The following TANK variants were observed in gnomAD, a reference collection of about 807,000 sequenced individuals.
TANK encodes TRAF family member-associated NF-kappa-B activator.
Under a neutral mutation model 43.6 loss-of-function variants are expected in TANK, and 15 were observed. The observed-to-expected ratio is 0.34, with a 90% CI of 0.23 to 0.53. The LOEUF (loss-of-function observed/expected upper bound fraction) is 0.53, where lower values mean the gene tolerates loss of function less well. TANK is among the 20% of genes least tolerant of loss of function. The pLI is 0.94. For missense variants in TANK, 417 were observed against 498.6 expected, an observed-to-expected ratio of 0.84 and a Z score of 1.56; for synonymous variants, 162 against 178.2, an observed-to-expected ratio of 0.91 and a Z score of 0.73.
At chr2:161,148,144 C>T (rs1404291653) in intron 1 of TANK, among the ~76,000 whole-genome samples, 1 of 152,154 alleles carries the variant, frequency 6.6e-6, no homozygotes, top group Non-Finnish European at 1.5e-5. Flanking sequence ...CCAACCAGCA[C>T]TATATAAGGC....
chr2:161,163,327 A>G (rs1200539639), intron 1 of TANK: 1 of 152,210 alleles, frequency 6.6e-6, no homozygotes, highest in Non-Finnish European at 1.5e-5. Context: ...TCCTTGGAGT[A>G]AATACAATTG....
At chr2:161,221,759 C>G (rs1687356323) in intron 4 of TANK, among the ~76,000 whole-genome samples, 2 of 151,124 alleles carry the variant, frequency 1.3e-5, no homozygotes, top group East Asian at 3.9e-4. Context: ...TTGAAATATA[C>G]TAACAGCTTT....
chr2:161,209,374 C>T (rs1297270741), intron 4 of TANK, among the ~76,000 whole-genome samples: 3 of 152,080 alleles, frequency 2.0e-5, no homozygotes, highest in Non-Finnish European at 2.9e-5. Flanking sequence ...TAACTTATGT[C>T]CATGTTAGCA....
At chr2:161,164,198 CTGT>C (rs1684569758) in intron 1 of TANK, among the ~76,000 whole-genome samples, 1 of 152,166 alleles carries the variant, frequency 6.6e-6, no homozygotes, top group Non-Finnish European at 1.5e-5. Context: ...TAAAAATAGA[CTGT>C]TGACATAAAG....
chr2:161,162,735 T>A (rs888021086), intron 1 of TANK: 1 of 152,184 alleles, frequency 6.6e-6, no homozygotes, highest in African/African-American at 2.4e-5. Context: ...CTGTTTGGAT[T>A]GCATCCAAAG....
chr2:161,235,283 A>G, intron 7 of TANK, 59 bp from the exon 8 acceptor site: 4 of 1,404,782 alleles, frequency 2.8e-6, no homozygotes, highest in Non-Finnish European at 3.8e-6. Flanking sequence ...TCAAATTTGA[A>G]GTCCAGTGCT....
chr2:161,151,584 C>T (rs796318025), intron 1 of TANK, among the ~76,000 whole-genome samples: 29 of 152,234 alleles, frequency 1.9e-4, no homozygotes, highest in East Asian at 9.6e-4. Context: ...AGTTTAGCCA[C>T]GCCATCTCTC....
chr2:161,146,098 T>A (rs1683902420), intron 1 of TANK, among the ~76,000 whole-genome samples: 1 of 152,192 alleles, frequency 6.6e-6, no homozygotes, highest in Non-Finnish European at 1.5e-5. Flanking sequence ...ATATACTTTA[T>A]TCTGCTTGGT....
chr2:161,221,821 T>G (rs1687359323), intron 4 of TANK, among the ~76,000 whole-genome samples: 1 of 152,094 alleles, frequency 6.6e-6, no homozygotes, highest in Admixed American at 6.6e-5. Context: ...CAACCAGTAA[T>G]ACTTTTTTCA....
intron 1 of TANK, among the ~76,000 whole-genome samples, chr2:161,165,960 T>C (rs912964053): frequency 1.8e-4 from 28 of 152,196 alleles, no homozygotes; most frequent in African/African-American, 6.5e-4. Context: ...ATTTGATAAA[T>C]AGTCTCAGAG....
At chr2:161,232,791 A>G in intron 7 of TANK, 3 of 1,550,614 alleles carry the variant, frequency 1.9e-6, no homozygotes, top group Non-Finnish European at 2.6e-6. Flanking sequence ...TTTCTATACT[A>G]CAGCAAGGGA....
intron 2 of TANK, among the ~76,000 whole-genome samples, chr2:161,188,931 T>C (rs1354683311): frequency 6.6e-6 from 1 of 152,202 alleles, no homozygotes; most frequent in Non-Finnish European, 1.5e-5. Flanking sequence ...CTCTTTGCTC[T>C]TCAGTCACAT....
chr2:161,182,338 C>T (rs1344515610), intron 2 of TANK, among the ~76,000 whole-genome samples: 1 of 152,080 alleles, frequency 6.6e-6, no homozygotes, highest in East Asian at 1.9e-4. Context: ...CACCCTCTCC[C>T]CTCCCCAAGT....
chr2:161,170,740 G>A (rs1280886656), intron 1 of TANK, among the ~76,000 whole-genome samples: 1 of 152,104 alleles, frequency 6.6e-6, no homozygotes, highest in Non-Finnish European at 1.5e-5. Context: ...CTGACTCTAC[G>A]CCAAGATTCT....
Position 161,204,772 on chromosome 2 carries a change from A to G in TANK, c.306A>G (p.Ile102Met). 1 of 1,606,412 alleles carries G rather than the reference A, an allele frequency of 6.2e-7. No individual in the cohort carries two copies. Reference sequence around the variant, plus strand: ...CACAAGATAAAGTGATTTCAGGAATAGCAAGAGAAAAACTACCAAAGGTAG... The same window carrying G: ...CACAAGATAAAGTGATTTCAGGAATGGCAAGAGAAAAACTACCAAAGGTAG... ...DQPQDKVISG[I>M]AREKLPKVRR... is the part of the protein sequence containing the mutation. The change falls in exon 4 of 8, where the codon ATA becomes ATG. Residue 102 changes from isoleucine (I) to methionine (M), a missense_variant. By Grantham distance (10) the Ile-to-Met change is conservative. Transcript: ENST00000392749.
In TANK at chr2:161,204,292, G is replaced by A. The variant is rs567842860; in HGVS notation, c.209-383G>A. Among the ~76,000 whole-genome samples the A allele has an allele frequency of 1.1e-4, 16 of 152,152 alleles. No homozygotes were observed. In the South Asian group the frequency reaches 3.3e-3, roughly 32 times the overall value. On this transcript the variant is annotated intron_variant, in intron 3 of 7. Transcript: ENST00000392749. Reference sequence around the variant, plus strand: ...TACTTTTTATTCTTTTTGGCTGTCTGCATTTTCTAATTTTCCCATAATAAG... The same window carrying A: ...TACTTTTTATTCTTTTTGGCTGTCTACATTTTCTAATTTTCCCATAATAAG...
At chr2:161,144,036 T>C (rs903352916) in intron 1 of TANK, among the ~76,000 whole-genome samples, 9 of 152,218 alleles carry the variant, frequency 5.9e-5, no homozygotes, top group African/African-American at 2.2e-4. Flanking sequence ...TGGTTTAGTC[T>C]TGGGAGGGTG....
chr2:161,195,650 G>T (rs1002840489), intron 2 of TANK, among the ~76,000 whole-genome samples: 1 of 152,060 alleles, frequency 6.6e-6, no homozygotes, highest in African/African-American at 2.4e-5. Flanking sequence ...AGGGTGAGGG[G>T]TAGGGAAAAA....
At chr2:161,151,757 A>C (rs914794666) in intron 1 of TANK, among the ~76,000 whole-genome samples, 3 of 152,096 alleles carry the variant, frequency 2.0e-5, no homozygotes. Context: ...GAAGAGGTTA[A>C]TCCATCTACA....
Sources: allele counts gnomAD v4.1 joint callset (sites outside exome capture counted in the v4.1 genomes callset), GRCh38; gene constraint gnomAD v4.1.1; transcripts MANE v1.5; gene names NCBI Gene and HGNC (gene_info 2026-07-23, HGNC 2026-07-21).